Variants in DGAT2L6 observed in about 807,000 individuals in gnomAD.
DGAT2L6 encodes the protein diacylglycerol O-acyltransferase 2-like protein 6.
DGAT2L6 carries 22 observed loss-of-function variants against 25.5 expected under a neutral mutation model. The observed-to-expected ratio is 0.86, with a 90% CI of 0.62 to 1.23. The LOEUF (loss-of-function observed/expected upper bound fraction) is 1.23. Ranked by LOEUF, DGAT2L6 falls within the 50% of genes most tolerant of loss-of-function variation. DGAT2L6 has a pLI of 0.00. For synonymous variants in DGAT2L6, 100 were observed against 94.7 expected, an observed-to-expected ratio of 1.06 and a Z score of -0.32; for missense variants, 287 against 253.2, an observed-to-expected ratio of 1.13 and a Z score of -0.91.
rs753087427 is a variant in DGAT2L6 at position 70,177,657 on chromosome X, T to C, written c.75T>C (p.Tyr25=). ...TTGTTTTGCAATGGATCCCAGTCTA[T>C]ATATTTTTAGGTGAGTGAACCCCAA... ...TFFVLQWIPV[Y]IFLGAIPILL... is the part of the protein sequence containing the mutation. Residue 25 remains tyrosine, a synonymous_variant, in exon 1 of 7, where the codon TAT becomes TAC. Transcript: ENST00000333026. The C allele has an allele frequency of 3.3e-6, 4 of 1,207,782 alleles. No individual in the cohort carries two copies. The South Asian group carries it at 7.0e-5, about 21-fold the overall frequency.
At chrX:70,202,692 C>T (rs2085414980) in intron 5 of DGAT2L6, among the ~76,000 whole-genome samples, 1 of 111,577 alleles carries the variant, frequency 9.0e-6, no homozygotes. Flanking sequence ...ACCATCTCTC[C>T]CCTTGGTTGA....
At chrX:70,196,588 CAA>C (rs2085392849) in intron 1 of DGAT2L6, among the ~76,000 whole-genome samples, 1 of 106,177 alleles carries the variant, frequency 9.4e-6, no homozygotes, top group Non-Finnish European at 1.9e-5. Flanking sequence ...TGAGGTTAGA[CAA>C]AGAGTTCTTT....
intron 4 of DGAT2L6, among the ~76,000 whole-genome samples, chrX:70,201,483 G>A (rs2085410199): frequency 9.0e-6 from 1 of 111,629 alleles, no homozygotes; most frequent in Admixed American, 9.5e-5. Context: ...AAGCAGGTTG[G>A]TGGTGGCTAG....
At chrX:70,204,278 C>G (rs372808364) in intron 5 of DGAT2L6, 27 bp from the exon 6 acceptor site, 14 of 1,156,020 alleles carry the variant, frequency 1.2e-5, no homozygotes, top group Middle Eastern at 5.0e-4. Flanking sequence ...CCTCAGAGAG[C>G]TCACACTCCT....
chrX:70,177,657 T>G lies in DGAT2L6; in HGVS notation c.75T>G (p.Tyr25Ter), dbSNP rs753087427. The G allele has an allele frequency of 3.3e-6, 4 of 1,205,956 alleles. No homozygotes were observed. The Admixed American group carries it at 8.8e-5, about 26-fold the overall frequency. The change falls in exon 1 of 7, where the codon TAT (tyrosine) becomes TAG (stop). Residue 25 changes from tyrosine to a stop codon, truncating the protein, a stop_gained. Transcript: ENST00000333026. LOFTEE classifies it high-confidence loss of function. ...TFFVLQWIPV[Y>*]IFLGAIPILL... is the part of the protein sequence containing the mutation. The stretch of plus-strand genomic sequence containing the variant: ...TTGTTTTGCAATGGATCCCAGTCTA[T>G]ATATTTTTAGGTGAGTGAACCCCAA...
chrX:70,179,401 C>T lies in DGAT2L6; in HGVS notation c.85+1734C>T, dbSNP rs377275348. Among the ~76,000 whole-genome samples the T allele has an allele frequency of 2.0e-4, 22 of 110,629 alleles. No individual in the cohort carries two copies. In the East Asian group the frequency reaches 5.9e-3, roughly 30 times the overall value. On this transcript the variant is annotated intron_variant, in intron 1 of 6. Coordinates refer to ENST00000333026, the MANE Select transcript of DGAT2L6 (RefSeq NM_198512.3). The stretch of plus-strand genomic sequence containing the variant: ...GCACAGGAATGTCCTAAGAGACTTG[C>T]TATTGGGGTGGCAGCAACCGTGTCA...
intron 3 of DGAT2L6, 108 bp from the exon 4 acceptor site, chrX:70,200,147 G>A: frequency 1.3e-6 from 1 of 794,732 alleles, no homozygotes. Flanking sequence ...AGTGAACAGG[G>A]ATTTGGGGCT....
At chrX:70,185,220 G>C (rs1386919658) in intron 1 of DGAT2L6, among the ~76,000 whole-genome samples, 1 of 111,115 alleles carries the variant, frequency 9.0e-6, no homozygotes, top group Non-Finnish European at 1.9e-5. Context: ...CCTGGACTTT[G>C]TTCAGGCTCT....
At position 70,205,213 on chromosome X, in the gene DGAT2L6, A is replaced by C; in HGVS notation, c.*107A>C. 1 of 901,643 alleles carries C rather than the reference A, an allele frequency of 1.1e-6. No homozygotes were observed. Among genetic ancestry groups the C allele is most frequent in the African/African-American group, 2.0e-5 (1 of 49,171 alleles). The allele number at this position is 901,643 out of a possible 1,213,427, so 74.3% of individuals were successfully genotyped here. The stretch of plus-strand genomic sequence containing the variant: ...GAGGGAAAGATCGTAAGGATGAGAG[A>C]GGAGACCATCCAAGCCAGAAATTAT... On this transcript the variant is annotated 3_prime_UTR_variant, in exon 7 of 7. Transcript: ENST00000333026.
At chrX:70,197,683 GAAAC>G (rs1194852649) in intron 1 of DGAT2L6, among the ~76,000 whole-genome samples, 2 of 112,170 alleles carry the variant, frequency 1.8e-5, no homozygotes, top group Admixed American at 9.4e-5. Flanking sequence ...AAATACTGGG[GAAAC>G]AAACAAAATT....
In DGAT2L6 at chrX:70,204,503, C is replaced by T. The variant is rs761994823; in HGVS notation, c.846C>T (p.Pro282=). ...GGGGCTTCCTGCCTTTCAATCGGCC[C>T]ATTACCACTGTTGGTGAGCTTTCCC... ...GSWGFLPFNR[P]ITTVVGEPLP... The change falls in exon 6 of 7, where the codon CCC becomes CCT. Residue 282 remains proline (P), a synonymous_variant. Transcript: ENST00000333026. 1.7e-5 allele frequency: 20 copies of T among 1,210,613 alleles called. No homozygotes were observed. In the South Asian group the frequency reaches 3.5e-4, roughly 21 times the overall value.
In DGAT2L6 at chrX:70,181,791, G is replaced by A. The variant is rs748307233; in HGVS notation, c.85+4124G>A. On this transcript the variant is annotated intron_variant, in intron 1 of 6. Transcript: ENST00000333026. Reference sequence around the variant, plus strand: ...ATCGGAATAAGAAATTATTACATAAGTTGAACAGATCAGGGGAGACAGGAA... The same window carrying A: ...ATCGGAATAAGAAATTATTACATAAATTGAACAGATCAGGGGAGACAGGAA... Among the ~76,000 whole-genome samples, 3 of 111,959 alleles carry A rather than the reference G, an allele frequency of 2.7e-5. No homozygotes were observed. In the South Asian group the frequency reaches 1.1e-3, roughly 42 times the overall value.
intron 1 of DGAT2L6, among the ~76,000 whole-genome samples, chrX:70,187,796 G>T (rs1395509523): frequency 8.9e-6 from 1 of 112,187 alleles, no homozygotes; most frequent in African/African-American, 3.2e-5. Flanking sequence ...AGAATAATTT[G>T]AAAGATATCT....
At chrX:70,194,172 T>C (rs1449344440) in intron 1 of DGAT2L6, among the ~76,000 whole-genome samples, 4 of 111,285 alleles carry the variant, frequency 3.6e-5, no homozygotes, top group Non-Finnish European at 7.6e-5. Flanking sequence ...ATAAAATACT[T>C]AGGAATAAAT....
chrX:70,186,543 G>C (rs2085360286), intron 1 of DGAT2L6, among the ~76,000 whole-genome samples: 1 of 111,760 alleles, frequency 8.9e-6, no homozygotes, highest in South Asian at 3.7e-4. Flanking sequence ...AGTAGACAAA[G>C]GTGGTCGGGC....
intron 1 of DGAT2L6, among the ~76,000 whole-genome samples, chrX:70,181,584 C>T (rs2085343407): frequency 9.0e-6 from 1 of 111,585 alleles, no homozygotes; most frequent in Non-Finnish European, 1.9e-5. Flanking sequence ...ATGATATGAT[C>T]TTGGGCTGTC....
intron 1 of DGAT2L6, among the ~76,000 whole-genome samples, chrX:70,196,756 C>CA (rs991334574): frequency 1.8e-5 from 2 of 110,439 alleles, no homozygotes; most frequent in African/African-American, 6.6e-5. Flanking sequence ...ACATATCAGA[C>CA]AAAAAAACTT....
intron 1 of DGAT2L6, among the ~76,000 whole-genome samples, chrX:70,182,107 A>G (rs1237509075): frequency 9.0e-6 from 1 of 110,721 alleles, no homozygotes; most frequent in Non-Finnish European, 1.9e-5. Flanking sequence ...CTCCTTCCCA[A>G]ATGATGTTCA....
Position 70,204,980 on chromosome X carries a change from T to A in DGAT2L6, c.888T>A (p.Ile296=). Residue 296 remains isoleucine (I), a synonymous_variant, in exon 7 of 7, where the codon ATT becomes ATA. Coordinates refer to ENST00000333026, the MANE Select transcript of DGAT2L6 (RefSeq NM_198512.3). The stretch of plus-strand genomic sequence containing the variant: ...GGGAACCCCTTCCAATTCCCAGGAT[T>A]AAGAGGCCAAACCAGAAGACAGTAG... ...VVGEPLPIPR[I]KRPNQKTVDK... 2 of 1,193,016 alleles carry A rather than the reference T, an allele frequency of 1.7e-6. No homozygotes were observed. The highest frequency in any genetic ancestry group is 1.1e-6 in the Non-Finnish European group (1 of 888,988).
Sources: allele counts gnomAD v4.1 joint callset (sites outside exome capture counted in the v4.1 genomes callset), GRCh38; gene constraint gnomAD v4.1.1; transcripts MANE v1.5; gene names NCBI Gene and HGNC (gene_info 2026-07-23, HGNC 2026-07-21).